CARM1: variants seen among roughly 807,000 people sequenced by gnomAD.
CARM1 encodes the protein histone-arginine methyltransferase CARM1.
In CARM1, 14 loss-of-function variants were observed where a neutral mutation model predicts 72.7. The observed-to-expected ratio is 0.19, with a 90% CI of 0.13 to 0.30. The LOEUF is 0.30. Ranked by LOEUF, CARM1 falls within the 10% of genes least tolerant of loss-of-function variation. CARM1 has a pLI of 1.00. For missense variants in CARM1, 432 were observed against 833.7 expected, an observed-to-expected ratio of 0.52 and a Z score of 5.93; for synonymous variants, 333 against 345.5, an observed-to-expected ratio of 0.96 and a Z score of 0.40.
At chr19:10,894,440 TCTC>T (rs1222085003) in intron 1 of CARM1, among the ~76,000 whole-genome samples, 1 of 151,874 alleles carries the variant, frequency 6.6e-6, no homozygotes, top group Non-Finnish European at 1.5e-5. Flanking sequence ...TTTACCTAAC[TCTC>T]CTCCTTTGAT....
At chr19:10,881,890 C>T (rs1423883529) in intron 1 of CARM1, among the ~76,000 whole-genome samples, 3 of 152,106 alleles carry the variant, frequency 2.0e-5, no homozygotes, top group South Asian at 2.1e-4. Context: ...CCGAGATAAA[C>T]ACAAGGTCCC....
intron 1 of CARM1, among the ~76,000 whole-genome samples, chr19:10,888,083 G>A (rs181530140): frequency 2.0e-4 from 31 of 152,310 alleles, no homozygotes; most frequent in African/African-American, 6.3e-4. Flanking sequence ...AGGCCACTGT[G>A]GGTGTCTCCT....
intron 4 of CARM1, 28 bp downstream of exon 4, chr19:10,909,235 C>CTCTGCT: frequency 7.1e-7 from 1 of 1,404,594 alleles, no homozygotes; most frequent in Non-Finnish European, 1.0e-6. Flanking sequence ...GTGCCCACCT[C>CTCTGCT]TCTGCTTCTG....
chr19:10,908,045 G>T lies in CARM1; in HGVS notation c.353G>T (p.Cys118Phe), dbSNP rs748146066. The T allele has an allele frequency of 6.2e-6, 10 of 1,613,066 alleles. No individual in the cohort carries two copies. The highest frequency in any genetic ancestry group is 2.7e-5 in the African/African-American group (2 of 74,900). Residue 118 changes from cysteine (C) to phenylalanine (F), a missense_variant, in exon 3 of 16, where the codon TGT (cysteine) becomes TTT (phenylalanine). Transcript: ENST00000327064. The part of the protein sequence containing the change: ...LIQFATPNDF[C>F]SFYNILKTCR... ...CTTGGCTTCCCTGTTCCAGATTTCT[G>T]TTCCTTCTACAACATCCTGAAAACC... is the stretch of plus-strand genomic sequence containing the variant.
intron 5 of CARM1, among the ~76,000 whole-genome samples, chr19:10,913,358 AGACCAGCCTGACCAACGT>A (rs927918405): frequency 1.4e-4 from 22 of 151,894 alleles, no homozygotes; most frequent in African/African-American, 5.3e-4. Context: ...CAAGAGTTCG[AGACCAGCCTGACCAACGT>A]GGCAAAACCC....
chr19:10,878,199 T>C (rs1255972737), intron 1 of CARM1, among the ~76,000 whole-genome samples: 3 of 152,208 alleles, frequency 2.0e-5, no homozygotes, highest in Non-Finnish European at 4.4e-5. Flanking sequence ...TTTTGAGAGA[T>C]TGATTAGGGA....
At chr19:10,904,076 A>G (rs1474025780) in intron 1 of CARM1, among the ~76,000 whole-genome samples, 1 of 151,744 alleles carries the variant, frequency 6.6e-6, no homozygotes, top group African/African-American at 2.4e-5. Context: ...TGCATTGGGC[A>G]CTCCCCTCTT....
chr19:10,881,608 G>T (rs946474004), intron 1 of CARM1, among the ~76,000 whole-genome samples: 1 of 152,052 alleles, frequency 6.6e-6, no homozygotes, highest in Non-Finnish European at 1.5e-5. Flanking sequence ...CAGTCCCCTG[G>T]AGGGCTGGGG....
intron 9 of CARM1, 95 bp downstream of exon 9, chr19:10,919,775 G>C (rs1427557285): frequency 6.7e-7 from 1 of 1,499,890 alleles, no homozygotes; most frequent in Non-Finnish European, 9.2e-7. Context: ...TCCCAGGGCA[G>C]ATGGTGGGCG....
intron 1 of CARM1, among the ~76,000 whole-genome samples, chr19:10,881,168 A>C (rs1367488320): frequency 6.6e-6 from 1 of 151,830 alleles, no homozygotes; most frequent in East Asian, 1.9e-4. Flanking sequence ...CTTGTCTCTA[A>C]AAAAAAATGC....
intron 1 of CARM1, among the ~76,000 whole-genome samples, chr19:10,882,523 G>A (rs980419264): frequency 4.1e-5 from 6 of 147,942 alleles, no homozygotes; most frequent in African/African-American, 1.5e-4. Context: ...CCAATCTCCA[G>A]TGCACTCTGT....
At chr19:10,913,662 G>A (rs141489125) in intron 5 of CARM1, among the ~76,000 whole-genome samples, 1,895 of 152,250 alleles carry the variant, frequency 0.012, 36 homozygotes, top group African/African-American at 0.043. Context: ...GCCTCCCAAA[G>A]TGCTGGGATT....
At chr19:10,914,908 G>A (rs901466246) in intron 6 of CARM1, among the ~76,000 whole-genome samples, 3 of 152,188 alleles carry the variant, frequency 2.0e-5, no homozygotes, top group African/African-American at 4.8e-5. Context: ...CAGCCCTGAC[G>A]CCTGAGGCAT....
chr19:10,881,367 G>C (rs1321520868), intron 1 of CARM1, among the ~76,000 whole-genome samples: 1 of 152,170 alleles, frequency 6.6e-6, no homozygotes, highest in East Asian at 1.9e-4. Flanking sequence ...ACTGAAAAAG[G>C]GTACCAGTTC....
At chr19:10,917,081 TAAAA>T (rs2074203454) in intron 8 of CARM1, among the ~76,000 whole-genome samples, 1 of 151,760 alleles carries the variant, frequency 6.6e-6, no homozygotes, top group Admixed American at 6.6e-5. Context: ...AAATAAATAA[TAAAA>T]ATAAAAAAGA....
At chr19:10,872,173 G>A (rs1458249494) in intron 1 of CARM1, among the ~76,000 whole-genome samples, 4 of 151,986 alleles carry the variant, frequency 2.6e-5, no homozygotes, top group Admixed American at 2.6e-4. Context: ...GGGAGTGAAG[G>A]GCCTGAGATT....
intron 1 of CARM1, among the ~76,000 whole-genome samples, chr19:10,885,853 C>T (rs960421536): frequency 1.5e-4 from 22 of 148,108 alleles, no homozygotes; most frequent in African/African-American, 4.2e-4. Flanking sequence ...GACAGCCCCC[C>T]ACAGGGAGCC....
rs561265679 is a variant in CARM1 at position 10,912,683 on chromosome 19, G to A, written c.669+389G>A. 2.8e-4 allele frequency among the ~76,000 whole-genome samples: 42 copies of A among 152,042 alleles called. No individual in the cohort carries two copies. Among genetic ancestry groups the A allele is most frequent in the African/African-American group, 7.0e-4 (29 of 41,488 alleles). ...GTCTGAGCAGAGCTATTCCGTGAGC[G>A]TCCTCTCGCACCAGTGGAGGCTGCA... On this transcript the variant is annotated intron_variant, in intron 5 of 15. Coordinates refer to ENST00000327064, the MANE Select transcript of CARM1 (RefSeq NM_199141.2). The surrounding 1 kb of genome is among the most constrained non-coding windows in gnomAD (Gnocchi z 4.5).
chr19:10,892,313 G>C (rs1327008055), intron 1 of CARM1, among the ~76,000 whole-genome samples: 1 of 152,336 alleles, frequency 6.6e-6, no homozygotes, highest in East Asian at 1.9e-4. Context: ...ACATAGTTCT[G>C]ATGTGCTGGG....
Sources: allele counts gnomAD v4.1 joint callset (sites outside exome capture counted in the v4.1 genomes callset), GRCh38; gene constraint gnomAD v4.1.1; non-coding constraint Gnocchi (gnomAD v3.1); transcripts MANE v1.5; gene names NCBI Gene and HGNC (gene_info 2026-07-23, HGNC 2026-07-21).